The following MYH11 variants were observed in gnomAD, a reference collection of about 807,000 sequenced individuals.
MYH11 encodes the protein myosin-11.
Under a neutral mutation model 246.6 loss-of-function variants are expected in MYH11, and 80 were observed. The observed-to-expected ratio is 0.32, with a 90% CI of 0.27 to 0.39. MYH11 has a LOEUF of 0.39. Among genes scored for constraint, MYH11 ranks in the 10% least tolerant of loss-of-function variants. MYH11 has a pLI of 1.00. For missense variants in MYH11, 2,158 were observed against 2,546.8 expected (o/e 0.85, Z 3.29); for synonymous variants, 1,071 against 1,015.5 (o/e 1.05, Z -1.04).
At chr16:15,812,024 A>G (rs2043148903) in intron 3 of MYH11, among the ~76,000 whole-genome samples, 2 of 152,240 alleles carry the variant, frequency 1.3e-5, no homozygotes, top group South Asian at 2.1e-4. Context: ...TCTCCTATTC[A>G]TCACGTTCAT....
chr16:15,798,698 A>G lies in MYH11; in HGVS notation c.503-11T>C. On this transcript the variant is annotated splice_polypyrimidine_tract_variant and intron_variant, in intron 3 of 40. Coordinates refer to ENST00000300036, the MANE Select transcript of MYH11 (RefSeq NM_002474.3). ...ACTGGTCCTCCCGATCTGCAAACAG[A>G]AAGAAGAAAAAAGAGCCATGAATTA... 6.2e-7 allele frequency: 1 copy of G among 1,613,296 alleles called. No homozygotes were observed. Among genetic ancestry groups the G allele is most frequent in the Non-Finnish European group, 8.5e-7 (1 of 1,179,816 alleles).
At chr16:15,778,878 C>T in intron 6 of MYH11, 35 bp from the exon 7 acceptor site, 2 of 1,608,398 alleles carry the variant, frequency 1.2e-6, no homozygotes, top group Non-Finnish European at 1.7e-6. Context: ...GGCTTTGCTG[C>T]CCAACTTCAG....
Position 15,823,391 on chromosome 16 carries a change from G to A in MYH11, c.366C>T (p.Cys122=), listed in dbSNP as rs372775942. 15 of 1,614,026 alleles carry A rather than the reference G, an allele frequency of 9.3e-6. No homozygotes were observed. The highest frequency in any genetic ancestry group is 4.0e-5 in the African/African-American group (3 of 74,926). ...GGTGTTTATAGGGGTTGACCACCAC[G>A]CAGAAGAGGCCAGAGTACGTCTGCA... ...GLIYTYSGLF[C]VVVNPYKHLP... Residue 122 remains cysteine (C), a synonymous_variant, in exon 3 of 41, where the codon TGC becomes TGT. Transcript: ENST00000300036.
intron 2 of MYH11, among the ~76,000 whole-genome samples, chr16:15,837,256 T>G (rs1313967116): frequency 1.3e-5 from 2 of 152,114 alleles, no homozygotes; most frequent in Admixed American, 6.6e-5. Context: ...CCAAAGTGGT[T>G]ATGAGCTCTT....
rs2041455669 is a variant in MYH11, at chr16:15,747,677, G to T, written c.2304C>A (p.Ile768=). Residue 768 remains isoleucine (I), a synonymous_variant, in exon 19 of 41, where the codon ATC becomes ATA. Transcript: ENST00000300036. ...PNLYRIGQSK[I]FFRTGVLAHL... Reference sequence around the variant, plus strand: ...GGGCCAGGACGCCAGTTCGGAAGAAGATTTTGCTCTGCCCTATCCTGTATA... The same window carrying T: ...GGGCCAGGACGCCAGTTCGGAAGAATATTTTGCTCTGCCCTATCCTGTATA... The T allele has an allele frequency of 6.2e-7, 1 of 1,614,032 alleles. No individual in the cohort carries two copies. The highest frequency in any genetic ancestry group is 1.3e-5 in the African/African-American group (1 of 74,930).
At chr16:15,771,973 G>T (rs1212303850) in intron 8 of MYH11, among the ~76,000 whole-genome samples, 1 of 151,782 alleles carries the variant, frequency 6.6e-6, no homozygotes, top group Non-Finnish European at 1.5e-5. Flanking sequence ...ACAATCCCTG[G>T]CACGAAGTTA....
intron 40 of MYH11, among the ~76,000 whole-genome samples, chr16:15,708,440 C>T (rs1025172453): frequency 3.9e-5 from 6 of 152,318 alleles, no homozygotes; most frequent in African/African-American, 1.2e-4. Context: ...GAGGACAGCA[C>T]TGCTGAGTGC....
chr16:15,784,643 C>T (rs2042426866), intron 5 of MYH11: 1 of 1,603,076 alleles, frequency 6.2e-7, no homozygotes, highest in Non-Finnish European at 8.5e-7. Flanking sequence ...TCATGCAGAT[C>T]TAAGTTCACT....
chr16:15,770,513 C>G (rs186944762), intron 9 of MYH11, among the ~76,000 whole-genome samples: 1 of 152,168 alleles, frequency 6.6e-6, no homozygotes, highest in Non-Finnish European at 1.5e-5. Context: ...CAGTGTGTTT[C>G]TTGGCCATTG....
At chr16:15,800,931 C>T (rs1029387353) in intron 3 of MYH11, among the ~76,000 whole-genome samples, 4 of 152,044 alleles carry the variant, frequency 2.6e-5, no homozygotes, top group Admixed American at 2.0e-4. Context: ...GCAGGCCGGG[C>T]GCAGTGGCTC....
Position 15,771,694 on chromosome 16 carries a change from C to A in MYH11, c.908G>T (p.Gly303Val). Residue 303 changes from glycine to valine, a missense_variant, in exon 9 of 41, where the codon GGC becomes GTC. Physicochemically the swap from Gly to Val is moderately radical, Grantham distance 109 (BLOSUM62 -3). Coordinates refer to ENST00000300036, the MANE Select transcript of MYH11 (RefSeq NM_002474.3). ...GGAGAGGAAGGTGTAGTTGTTGAAG[C>A]CCTCCAAAAGCAAGTCACCTAGAAG... ...EKMRSDLLLE[G>V]FNNYTFLSNG... The A allele has an allele frequency of 6.2e-7, 1 of 1,614,084 alleles. No individual in the cohort carries two copies. Among genetic ancestry groups the A allele is most frequent in the Non-Finnish European group, 8.5e-7 (1 of 1,180,012 alleles).
chr16:15,819,921 A>G (rs1285770556), intron 3 of MYH11, among the ~76,000 whole-genome samples: 2 of 152,214 alleles, frequency 1.3e-5, no homozygotes, highest in Non-Finnish European at 2.9e-5. Flanking sequence ...CCGACGATTC[A>G]GTGGCTTCAC....
At chr16:15,814,953 C>G (rs2043230961) in intron 3 of MYH11, among the ~76,000 whole-genome samples, 2 of 152,220 alleles carry the variant, frequency 1.3e-5, no homozygotes, top group Admixed American at 1.3e-4. Flanking sequence ...AAACCCTCAG[C>G]TTCTTTTCAA....
chr16:15,782,309 C>A (rs927948732), intron 6 of MYH11, 76 bp downstream of exon 6: 2 of 1,313,832 alleles, frequency 1.5e-6, no homozygotes, highest in Non-Finnish European at 2.2e-6. Context: ...CACCTCTGCA[C>A]GCAAACACTC....
chr16:15,703,745 C>T lies in MYH11; in HGVS notation c.*246G>A, dbSNP rs1179662297. ...CTGGGACCACAGGTGTGTACCACCA[C>T]GCCCAGCTTATTTTTAAATTCTTGT... is the stretch of plus-strand genomic sequence containing the variant. On this transcript the variant is annotated 3_prime_UTR_variant, in exon 41 of 41. Transcript: ENST00000300036. The T allele has an allele frequency of 1.1e-5, 6 of 524,362 alleles. No individual in the cohort carries two copies. Among genetic ancestry groups the T allele is most frequent in the African/African-American group, 9.6e-5 (5 of 52,162 alleles). 32.5% of individuals were successfully genotyped at this position (524,362 alleles called of 1,614,324 possible).
intron 2 of MYH11, among the ~76,000 whole-genome samples, chr16:15,833,407 G>GGAAA: frequency 1.5e-5 from 2 of 135,906 alleles, no homozygotes; most frequent in Non-Finnish European, 3.4e-5. Flanking sequence ...AAGGAAGGAA[G>GGAAA]GAAGGGAGGA....
intron 40 of MYH11, among the ~76,000 whole-genome samples, chr16:15,712,343 G>C (rs1040163226): frequency 6.6e-6 from 1 of 152,108 alleles, no homozygotes; most frequent in Non-Finnish European, 1.5e-5. Flanking sequence ...CTCTCACCTA[G>C]CGCTGGGGAG....
At chr16:15,822,274 C>T (rs1407892243) in intron 3 of MYH11, among the ~76,000 whole-genome samples, 1 of 152,176 alleles carries the variant, frequency 6.6e-6, no homozygotes, top group Admixed American at 6.5e-5. Context: ...TGTGAGTTTT[C>T]GAGTTTCTTG....
rs2042603886 is a variant in MYH11, at chr16:15,791,306, C to T, written c.531-4574G>A. 2.6e-5 allele frequency: 4 copies of T among 152,176 alleles called. No homozygotes were observed. In the South Asian group the frequency reaches 8.3e-4, roughly 32 times the overall value. The allele number at this position is 152,176 out of a possible 1,614,324, so 9.4% of individuals were successfully genotyped here. A position where few individuals can be genotyped will look rare whatever the true frequency, so the allele number is the denominator to read the frequency against. ...CAAATTCTGCAGCTGGTCCTGGCTC[C>T]CAGGGTCGAATATTGCCAAGTCCAT... On this transcript the variant is annotated intron_variant, in intron 4 of 40. Coordinates refer to ENST00000300036, the MANE Select transcript of MYH11 (RefSeq NM_002474.3).
Sources: allele counts gnomAD v4.1 joint callset (sites outside exome capture counted in the v4.1 genomes callset), GRCh38; gene constraint gnomAD v4.1.1; transcripts MANE v1.5; gene names NCBI Gene and HGNC (gene_info 2026-07-23, HGNC 2026-07-21).